Variants in CD2AP observed in about 807,000 individuals in gnomAD.
CD2AP encodes the protein CD2-associated protein.
CD2AP carries 46 observed loss-of-function variants against 85.1 expected under a neutral mutation model. The observed-to-expected ratio is 0.54, with a 90% CI of 0.43 to 0.69. The LOEUF is 0.69. Ranked by LOEUF, CD2AP falls within the 30% of genes least tolerant of loss-of-function variation. CD2AP has a pLI of 0.00. For synonymous variants in CD2AP, 255 were observed against 252.9 expected, an observed-to-expected ratio of 1.01 and a Z score of -0.08; for missense variants, 769 against 729.5, an observed-to-expected ratio of 1.05 and a Z score of -0.62.
intron 2 of CD2AP, among the ~76,000 whole-genome samples, chr6:47,524,971 G>A (rs1355126091): frequency 6.6e-6 from 1 of 151,880 alleles, no homozygotes; most frequent in Non-Finnish European, 1.5e-5. Flanking sequence ...TTGAACTTAA[G>A]TGCTTTAGTG....
At chr6:47,613,806 T>C (rs1265397210) in intron 17 of CD2AP, among the ~76,000 whole-genome samples, 12 of 152,240 alleles carry the variant, frequency 7.9e-5, no homozygotes, top group African/African-American at 2.7e-4. Context: ...CTTCTTTCAA[T>C]AGAAGGCTGT....
chr6:47,552,499 G>C (rs1032083271), intron 4 of CD2AP, among the ~76,000 whole-genome samples: 1 of 152,120 alleles, frequency 6.6e-6, no homozygotes, highest in African/African-American at 2.4e-5. Context: ...TGGCTGAGTA[G>C]TATTCCATGA....
At position 47,591,664 on chromosome 6, in the gene CD2AP, G is replaced by A. The variant is rs111655009; in HGVS notation, c.1109-4197G>A. 4.9e-3 allele frequency among the ~76,000 whole-genome samples: 739 copies of A among 152,116 alleles called. 2 individuals are homozygous for A. Among genetic ancestry groups the A allele is most frequent in the Non-Finnish European group, 7.4e-3 (506 of 67,982 alleles). On this transcript the variant is annotated intron_variant, in intron 11 of 17. Coordinates refer to ENST00000359314, the MANE Select transcript of CD2AP (RefSeq NM_012120.3). ...TGCAGTAGGACATTGACCCTCATCT[G>A]AATTAATAAATGGGTTAACTTATTA...
At chr6:47,571,248 T>C (rs1336221529) in intron 5 of CD2AP, among the ~76,000 whole-genome samples, 1 of 152,184 alleles carries the variant, frequency 6.6e-6, no homozygotes, top group Admixed American at 6.5e-5. Flanking sequence ...CTATATAGAA[T>C]ACACTTCTGG....
At chr6:47,604,886 C>T (rs1384120008) in intron 13 of CD2AP, among the ~76,000 whole-genome samples, 3 of 151,882 alleles carry the variant, frequency 2.0e-5, no homozygotes, top group South Asian at 2.1e-4. Flanking sequence ...AGTGAGAACA[C>T]ACAAAGAAAT....
chr6:47,485,303 T>C lies in CD2AP; in HGVS notation c.4+7055T>C, dbSNP rs949774810. ...CGTTTTTCACCAGTGGGATGAAATA[T>C]GGAGATGGAAGACAGTGATATTGAT... On this transcript the variant is annotated intron_variant, in intron 1 of 17. Coordinates refer to ENST00000359314, the MANE Select transcript of CD2AP (RefSeq NM_012120.3). Among the ~76,000 whole-genome samples the C allele has an allele frequency of 2.0e-5, 3 of 152,094 alleles. No individual in the cohort carries two copies. The South Asian group carries it at 6.2e-4, about 32-fold the overall frequency.
At chr6:47,499,886 G>A (rs1309576990) in intron 1 of CD2AP, among the ~76,000 whole-genome samples, 1 of 152,094 alleles carries the variant, frequency 6.6e-6, no homozygotes, top group South Asian at 2.1e-4. Flanking sequence ...ATGCCACCAC[G>A]CCCGGCTAAT....
chr6:47,503,207 T>A, intron 1 of CD2AP, 73 bp from the exon 2 acceptor site: 1 of 1,375,600 alleles, frequency 7.3e-7, no homozygotes, highest in South Asian at 1.2e-5. Context: ...TCCTTAGTTT[T>A]AAATTTATTA....
Position 47,524,855 on chromosome 6 carries a change from C to T in CD2AP, c.166-8747C>T, listed in dbSNP as rs567266913. Among the ~76,000 whole-genome samples, 59 of 152,262 alleles carry T rather than the reference C, an allele frequency of 3.9e-4. No individual in the cohort carries two copies. The South Asian group carries it at 0.012, about 30-fold the overall frequency. ...TTTAGAAACTTTCAAAGTAGGTCTG[C>T]TATATCTGTCATTTTTGTTTTCCTT... On this transcript the variant is annotated intron_variant, in intron 2 of 17. Coordinates refer to ENST00000359314, the MANE Select transcript of CD2AP (RefSeq NM_012120.3).
intron 11 of CD2AP, among the ~76,000 whole-genome samples, chr6:47,591,012 A>G (rs1436448310): frequency 6.6e-6 from 1 of 152,208 alleles, no homozygotes; most frequent in Non-Finnish European, 1.5e-5. Flanking sequence ...TGCAATTTAT[A>G]ACAAAGTTTA....
chr6:47,547,486 C>CTATA (rs35297636), intron 4 of CD2AP, among the ~76,000 whole-genome samples: 38 of 151,266 alleles, frequency 2.5e-4, no homozygotes, highest in African/African-American at 4.9e-4. Context: ...TATCACAATT[C>CTATA]TATATATATA....
At chr6:47,611,940 T>A (rs7744719) in intron 16 of CD2AP, among the ~76,000 whole-genome samples, 7 of 152,034 alleles carry the variant, frequency 4.6e-5, no homozygotes, top group Admixed American at 4.6e-4. Context: ...TATAGAAAGA[T>A]TAGAAGGGAA....
At chr6:47,561,617 A>G (rs1290938734) in intron 5 of CD2AP, among the ~76,000 whole-genome samples, 1 of 152,004 alleles carries the variant, frequency 6.6e-6, no homozygotes, top group Non-Finnish European at 1.5e-5. Flanking sequence ...CCATACCTCT[A>G]CCCATATGTC....
At chr6:47,622,601 A>G (rs1046130763) in intron 17 of CD2AP, among the ~76,000 whole-genome samples, 1 of 152,108 alleles carries the variant, frequency 6.6e-6, no homozygotes, top group Admixed American at 6.6e-5. Flanking sequence ...CTGCAAACAG[A>G]CCTTCAGTTT....
At chr6:47,543,167 A>AAAG (rs1767272539) in intron 3 of CD2AP, among the ~76,000 whole-genome samples, 2 of 143,986 alleles carry the variant, frequency 1.4e-5, no homozygotes, top group African/African-American at 5.0e-5. Context: ...AAAAAAAAAA[A>AAAG]AAAAAGAAAA....
intron 1 of CD2AP, among the ~76,000 whole-genome samples, chr6:47,486,111 T>G (rs1190030161): frequency 1.3e-5 from 2 of 152,190 alleles, no homozygotes; most frequent in African/African-American, 4.8e-5. Flanking sequence ...AAGCTGCTGG[T>G]GAGAGTTTAA....
At chr6:47,612,558 TG>T in intron 17 of CD2AP, 22 bp downstream of exon 17, 2 of 1,555,640 alleles carry the variant, frequency 1.3e-6, no homozygotes, top group Non-Finnish European at 1.8e-6. Context: ...CTTCCAGCAT[TG>T]AGAGTTTAGT....
chr6:47,608,000 TAA>T lies in CD2AP; in HGVS notation c.1610_1611del (p.Lys537ArgfsTer20). The T allele has an allele frequency of 6.2e-7, 1 of 1,612,518 alleles. No homozygotes were observed. Among genetic ancestry groups the T allele is most frequent in the Non-Finnish European group, 8.5e-7 (1 of 1,178,868 alleles). ...AGTGCCAACCTGAAGCCATCTGAAT[TAA>T]AAAAAGATACATGCTACTCTCCAAA... On this transcript the variant is annotated frameshift_variant, in exon 15 of 18. Transcript: ENST00000359314. LOFTEE classifies it high-confidence loss of function.
intron 2 of CD2AP, among the ~76,000 whole-genome samples, chr6:47,513,803 T>G (rs1766379629): frequency 6.6e-6 from 1 of 151,630 alleles, no homozygotes; most frequent in African/African-American, 2.4e-5. Flanking sequence ...CATGTTCAAC[T>G]ATACTAGATG....
Sources: gnomAD v4.1 joint callset for allele counts (sites outside exome capture counted in the v4.1 genomes callset) on GRCh38, gnomAD v4.1.1 for gene constraint, MANE v1.5 for transcripts, NCBI Gene and HGNC (gene_info 2026-07-23, HGNC 2026-07-21) for gene names.